The following CILK1 variants were observed in gnomAD, a reference collection of about 807,000 sequenced individuals.
CILK1 encodes serine/threonine-protein kinase ICK.
A neutral mutation model predicts 79.2 loss-of-function variants in CILK1; 47 were observed. The ratio of observed to expected loss-of-function variants is 0.59; its 90% CI spans 0.47 to 0.76. CILK1 has a LOEUF of 0.76. Among genes scored for constraint, CILK1 ranks in the 30% least tolerant of loss-of-function variants. The pLI, the probability that CILK1 is intolerant of heterozygous loss-of-function variation, is 0.00. For synonymous variants in CILK1, 266 were observed against 275.9 expected, an observed-to-expected ratio of 0.96 and a Z score of 0.36; for missense variants, 660 against 769.5, an observed-to-expected ratio of 0.86 and a Z score of 1.68.
chr6:53,054,156 C>T (rs1012151184), intron 1 of CILK1, among the ~76,000 whole-genome samples: 10 of 152,132 alleles, frequency 6.6e-5, no homozygotes, highest in Admixed American at 2.0e-4. Flanking sequence ...CATTAAACAT[C>T]GATTCCTTCT....
At chr6:53,038,885 T>C (rs148147568) in intron 2 of CILK1, among the ~76,000 whole-genome samples, 1,803 of 152,302 alleles carry the variant, frequency 0.012, 32 homozygotes, top group East Asian at 0.062. Flanking sequence ...CCAGAGTTAA[T>C]CAGAAATTCA....
intron 4 of CILK1, among the ~76,000 whole-genome samples, chr6:53,032,086 C>T (rs1481526927): frequency 6.6e-6 from 1 of 152,158 alleles, no homozygotes; most frequent in Admixed American, 6.5e-5. Context: ...CCCGCCTTGG[C>T]CTCCCAAAGT....
At chr6:53,011,030 T>C (rs1764538404) in intron 11 of CILK1, among the ~76,000 whole-genome samples, 1 of 152,180 alleles carries the variant, frequency 6.6e-6, no homozygotes. Context: ...GAATGAATGA[T>C]TCACTAATGC....
Position 53,028,152 on chromosome 6 carries a change from A to G in CILK1, c.358+2913T>C, listed in dbSNP as rs1400891560. Among the ~76,000 whole-genome samples, 7 of 149,790 alleles carry G rather than the reference A, an allele frequency of 4.7e-5. No homozygotes were observed. The South Asian group carries it at 6.4e-4, about 14-fold the overall frequency. On this transcript the variant is annotated intron_variant, in intron 5 of 13. Coordinates refer to ENST00000676107, the MANE Select transcript of CILK1 (RefSeq NM_014920.5). The stretch of plus-strand genomic sequence containing the variant: ...ACATAGCGAGACTCCGTCTCAAAAA[A>G]AAAAAAAAAAAAAATTAGCCGGGCG...
rs377068839 is a variant in CILK1 at position 53,016,126 on chromosome 6, T to A, written c.788A>T (p.Asp263Val). 1.9e-6 allele frequency: 3 copies of A among 1,614,022 alleles called. No individual in the cohort carries two copies. The African/African-American group carries it at 4.0e-5, about 22-fold the overall frequency. ...TTTCTTGGGATCCCACTGAAGCATG[T>A]CTCTCAGGAGCTGGACTGCTTCACT... ...ASSEAVQLLR[D>V]MLQWDPKKRP... The change falls in exon 8 of 14, where the codon GAC becomes GTC. Residue 263 changes from aspartate (D) to valine (V), a missense_variant. Coordinates refer to ENST00000676107, the MANE Select transcript of CILK1 (RefSeq NM_014920.5).
At position 53,026,448 on chromosome 6, in the gene CILK1, C is replaced by T. The variant is rs138546013; in HGVS notation, c.358+4617G>A. ...ACAGGCATGAGCCACTGCGCCCAGC[C>T]TATAAAGCTTTTTGAGCAGTGCTTG... On this transcript the variant is annotated intron_variant, in intron 5 of 13. Transcript: ENST00000676107. Among the ~76,000 whole-genome samples, 51 of 152,262 alleles carry T rather than the reference C, an allele frequency of 3.3e-4. 1 individual carries two copies. The highest frequency in any genetic ancestry group is 8.7e-4 in the African/African-American group (36 of 41,538).
At chr6:53,038,422 G>A (rs1562032941) in intron 2 of CILK1, among the ~76,000 whole-genome samples, 1 of 152,140 alleles carries the variant, frequency 6.6e-6, no homozygotes, top group Non-Finnish European at 1.5e-5. Flanking sequence ...TGTGGGAACT[G>A]AATTTTAATT....
intron 12 of CILK1, among the ~76,000 whole-genome samples, chr6:53,008,338 C>T (rs929985607): frequency 6.6e-6 from 1 of 151,822 alleles, no homozygotes; most frequent in Non-Finnish European, 1.5e-5. Context: ...AATAAACACT[C>T]GATCAGGCTG....
intron 5 of CILK1, among the ~76,000 whole-genome samples, chr6:53,025,510 C>G (rs2127430091): frequency 6.6e-6 from 1 of 152,310 alleles, no homozygotes; most frequent in Non-Finnish European, 1.5e-5. Context: ...TCACTGCTAA[C>G]TCCTCTTTAA....
rs762002461 is a variant in CILK1 at position 53,009,587 on chromosome 6, T to C, written c.1493-20A>G. The C allele has an allele frequency of 2.5e-6, 4 of 1,589,796 alleles. No individual in the cohort carries two copies. Among genetic ancestry groups the C allele is most frequent in the Non-Finnish European group, 3.5e-6 (4 of 1,158,224 alleles). ...TGATCCCTGATAGAGAAGAAATGAT[T>C]TTAAAATGCAAAATACACAATGAAT... On this transcript the variant is annotated intron_variant, in intron 11 of 13. Transcript: ENST00000676107.
At position 53,013,894 on chromosome 6, in the gene CILK1, A is replaced by G. The variant is rs768168710; in HGVS notation, c.920T>C (p.Ile307Thr). ...LQDSEKPQKG[I>T]LEKAGPPPYI... is the part of the protein sequence containing the mutation. ...AGGAGGTGGGCCTGCCTTTTCCAGG[A>G]TGCCTTTCTGTGGTTTTTCTGAATC... The change falls in exon 9 of 14, where the codon ATC becomes ACC. Residue 307 changes from isoleucine (I) to threonine (T), a missense_variant. By Grantham distance (89) the Ile-to-Thr change is moderately conservative (BLOSUM62 -1). Transcript: ENST00000676107. 2 of 1,613,950 alleles carry G rather than the reference A, an allele frequency of 1.2e-6. No homozygotes were observed. The highest frequency in any genetic ancestry group is 1.3e-5 in the African/African-American group (1 of 74,880).
At chr6:53,008,821 C>G (rs1471851942) in intron 12 of CILK1, among the ~76,000 whole-genome samples, 1 of 152,126 alleles carries the variant, frequency 6.6e-6, no homozygotes, top group African/African-American at 2.4e-5. Context: ...AAACAAACAC[C>G]TAATGGATGA....
rs567639206 is a variant in CILK1, at chr6:53,019,840, T to G, written c.359-481A>C. ...GCCTGGCTAGTTTTTTTGTTTTTTTTTTTTTTGTTTTTGTAAAGATAGGGT... is the reference window on the plus strand; with the variant it reads ...GCCTGGCTAGTTTTTTTGTTTTTTTGTTTTTTGTTTTTGTAAAGATAGGGT... On this transcript the variant is annotated intron_variant, in intron 5 of 13. Transcript: ENST00000676107. Among the ~76,000 whole-genome samples, 127 of 151,680 alleles carry G rather than the reference T, an allele frequency of 8.4e-4. 1 individual carries two copies. The highest frequency in any genetic ancestry group is 1.5e-3 in the Non-Finnish European group (104 of 67,848).
intron 5 of CILK1, among the ~76,000 whole-genome samples, chr6:53,029,488 T>C (rs951743957): frequency 6.6e-6 from 1 of 152,234 alleles, no homozygotes; most frequent in African/African-American, 2.4e-5. Context: ...GATTTGCAGA[T>C]AGCCTAGGTT....
At position 53,018,508 on chromosome 6, in the gene CILK1, G is replaced by A; in HGVS notation, c.492-7C>T. The stretch of plus-strand genomic sequence containing the variant: ...TACTTCTGGAGCCCTGTACCTGGAG[G>A]AACAAAGGTTAACTGCTAGCTATTG... On this transcript the variant is annotated splice_polypyrimidine_tract_variant and splice_region_variant and intron_variant, in intron 6 of 13. Transcript: ENST00000676107. 2 of 1,613,900 alleles carry A rather than the reference G, an allele frequency of 1.2e-6. No individual in the cohort carries two copies. Among genetic ancestry groups the A allele is most frequent in the East Asian group, 2.2e-5 (1 of 44,884 alleles).
At chr6:53,012,469 A>AT (rs970516097) in intron 9 of CILK1, among the ~76,000 whole-genome samples, 18 of 152,288 alleles carry the variant, frequency 1.2e-4, no homozygotes, top group South Asian at 8.3e-4. Flanking sequence ...GGATAAAAAA[A>AT]TTTTTAAGAT....
rs368690918 is a variant in CILK1, at chr6:53,026,192, TC to T, written c.358+4872del. 1.8e-3 allele frequency among the ~76,000 whole-genome samples: 270 copies of T among 152,260 alleles called. 2 individuals carry two copies. Among genetic ancestry groups the T allele is most frequent in the African/African-American group, 5.9e-3 (246 of 41,532 alleles). On this transcript the variant is annotated intron_variant, in intron 5 of 13. Coordinates refer to ENST00000676107, the MANE Select transcript of CILK1 (RefSeq NM_014920.5). ...TGTTTTGTTTTGTTTTGAGACAGAGTCTCACTCTGTCACCCAGGCTGGAGTA... is the reference window on the plus strand; with the variant it reads ...TGTTTTGTTTTGTTTTGAGACAGAGTTCACTCTGTCACCCAGGCTGGAGTA...
chr6:53,028,475 G>A (rs1765722537), intron 5 of CILK1, among the ~76,000 whole-genome samples: 1 of 152,128 alleles, frequency 6.6e-6, no homozygotes, highest in Admixed American at 6.5e-5. Context: ...CCTTTCACAG[G>A]TGTTTGAACT....
chr6:53,039,180 C>A (rs1022546639), intron 2 of CILK1, among the ~76,000 whole-genome samples: 1 of 152,148 alleles, frequency 6.6e-6, no homozygotes, highest in Non-Finnish European at 1.5e-5. Flanking sequence ...ACTGGAGAGA[C>A]AATGATGAGA....
Sources: allele counts gnomAD v4.1 joint callset (sites outside exome capture counted in the v4.1 genomes callset), GRCh38; gene constraint gnomAD v4.1.1; transcripts MANE v1.5; gene names NCBI Gene and HGNC (gene_info 2026-07-23, HGNC 2026-07-21).